Variants in SHF observed in about 807,000 individuals in gnomAD.
The protein encoded by SHF is Src homology 2 domain containing F, also known as SH2 domain-containing adapter protein F.
In SHF, 30 loss-of-function variants were observed where a neutral mutation model predicts 42.4. That is an observed-to-expected ratio of 0.71 (90% confidence interval 0.53 to 0.96). The LOEUF (loss-of-function observed/expected upper bound fraction) is 0.96, where lower values mean the gene tolerates loss of function less well. Ranked by LOEUF, SHF falls within the 40% of genes least tolerant of loss-of-function variation. SHF has a pLI of 0.00. For synonymous variants in SHF, 264 were observed against 269.9 expected, an observed-to-expected ratio of 0.98 and a Z score of 0.21; for missense variants, 598 against 634.0, an observed-to-expected ratio of 0.94 and a Z score of 0.61.
chr15:45,198,938 C>G (rs62026667), exon 2 of SHF: 144,873 of 1,613,804 alleles, frequency 0.09, 7,252 homozygotes, highest in Middle Eastern at 0.11. Context: ...CGTGAGCATC[C>G]AGGAATGGGG....
At chr15:45,192,291 A>G (rs1222331584), upstream of SHF, among the ~76,000 whole-genome samples, 1 of 146,210 alleles carries the variant, frequency 6.8e-6, no homozygotes, top group African/African-American at 2.5e-5. Flanking sequence ...ATTTTCCTTC[A>G]GGCAGCCTCC....
exon 1 of SHF, chr15:45,200,781 T>G (rs946204450): frequency 4.4e-6 from 2 of 456,024 alleles, no homozygotes; most frequent in African/African-American, 4.0e-5. Context: ...TTCCTTCTTG[T>G]AAAATTTAAG....
In SHF at chr15:45,176,071, C is replaced by T. The variant is rs1331149180; in HGVS notation, c.641-646G>A. On this transcript the variant is annotated intron_variant, in intron 2 of 6. Coordinates refer to ENST00000690270, the MANE Select transcript of SHF (RefSeq NM_001394037.1). ...CTGACCTCAGGTGATCTGCCTGCCT[C>T]GGCCTTCCAAAGTGCTGGGATTACA... 3.9e-5 allele frequency among the ~76,000 whole-genome samples: 6 copies of T among 152,168 alleles called. 1 individual carries two copies. Among genetic ancestry groups the T allele is most frequent in the African/African-American group, 2.4e-5 (1 of 41,500 alleles).
chr15:45,197,874 G>A (rs1479370406), intron 2 of SHF, among the ~76,000 whole-genome samples: 1 of 150,604 alleles, frequency 6.6e-6, no homozygotes, highest in Non-Finnish European at 1.5e-5. Flanking sequence ...GCATGTTTGC[G>A]TTTTATGCAA....
At chr15:45,178,565 C>A (rs567918031) in intron 1 of SHF, among the ~76,000 whole-genome samples, 1 of 136,972 alleles carries the variant, frequency 7.3e-6, no homozygotes, top group Non-Finnish European at 1.5e-5. Context: ...GACAGAGTCT[C>A]ACTCTGTCAC....
rs1897534465 is a variant in SHF, at chr15:45,172,199, T to G, written c.1108A>C (p.Ser370Arg). The G allele has an allele frequency of 1.9e-6, 3 of 1,613,918 alleles. No individual in the cohort carries two copies. In the South Asian group the frequency reaches 3.3e-5, roughly 18 times the overall value. ...TCTGTCCACTCCCCCAGGGGGCTGC[T>G]GGGCTCCATGCTTAGGGGTTTGGCT... ...KSAKPLSMEPSSPLGEWTDPA... is the reference protein window; with the variant it reads ...KSAKPLSMEPRSPLGEWTDPA... Residue 370 changes from serine to arginine, a missense_variant, in exon 5 of 7, where the codon AGC becomes CGC. Ser to Arg is a moderately radical substitution (Grantham distance 110, BLOSUM62 -1). This residue lies in a region of SHF where 439 missense variants were observed against 524.6 expected (regional missense o/e 0.84). Coordinates refer to ENST00000690270, the MANE Select transcript of SHF (RefSeq NM_001394037.1).
At chr15:45,185,322 G>A (rs1220701919) in intron 1 of SHF, among the ~76,000 whole-genome samples, 2 of 152,250 alleles carry the variant, frequency 1.3e-5, no homozygotes, top group African/African-American at 4.8e-5. Context: ...CTGGGCCACA[G>A]GGGCATGCGC....
rs1177208821 is a variant in SHF, at chr15:45,175,324, G to T, written c.742C>A (p.Pro248Thr). 1.2e-6 allele frequency: 2 copies of T among 1,605,942 alleles called. No individual in the cohort carries two copies. The highest frequency in any genetic ancestry group is 1.7e-5 in the Admixed American group (1 of 59,020). The part of the protein sequence containing the change: ...DGATAEGEGA[P>T]WPRESRLPED... ...GGCAGGCGGGACTCCCGGGGCCAGG[G>T]GGCCCCCTCACCTTCCGCGGTGGCC... Residue 248 changes from proline to threonine, a missense_variant, in exon 3 of 7, where the codon CCC (proline) becomes ACC (threonine). Transcript: ENST00000690270.
intron 1 of SHF, among the ~76,000 whole-genome samples, chr15:45,182,403 A>G (rs968356397): frequency 6.6e-5 from 10 of 152,264 alleles, no homozygotes; most frequent in Non-Finnish European, 1.3e-4. Context: ...GGGAAGAGGA[A>G]AATGAATTTG....
chr15:45,167,845 GA>G lies in SHF; in HGVS notation c.*101del. On this transcript the variant is annotated 3_prime_UTR_variant, in exon 7 of 7. Transcript: ENST00000690270. ...CAGCTTCTACTGGATCCCAGGAGAA[GA>G]AAGGTTTGAAAGATCACGTCCCTGG... 1 of 1,149,626 alleles carries G rather than the reference GA, an allele frequency of 8.7e-7. No homozygotes were observed. The allele number at this position is 1,149,626 out of a possible 1,614,324, so 71.2% of individuals were successfully genotyped here. A position where few individuals can be genotyped will look rare whatever the true frequency, so the allele number is the denominator to read the frequency against.
intron 2 of SHF, among the ~76,000 whole-genome samples, chr15:45,194,501 G>T (rs1898807143): frequency 6.6e-6 from 1 of 151,954 alleles, no homozygotes; most frequent in East Asian, 1.9e-4. Flanking sequence ...ACAGGTCCCT[G>T]CCACCACACC....
intron 6 of SHF, among the ~76,000 whole-genome samples, chr15:45,169,203 A>G (rs2162246): frequency 0.39 from 59,549 of 152,086 alleles, 14,533 homozygotes; most frequent in Non-Finnish European, 0.56. Context: ...GAGGCTGGCA[A>G]TCCTTATCAC....
chr15:45,195,966 T>C (rs1898849191), intron 2 of SHF, among the ~76,000 whole-genome samples: 1 of 152,202 alleles, frequency 6.6e-6, no homozygotes, highest in African/African-American at 2.4e-5. Context: ...AAGACAGAGC[T>C]CCATTTGGGC....
Position 45,187,560 on chromosome 15 carries a change from G to A in SHF, c.392C>T (p.Pro131Leu). 2.4e-6 allele frequency: 3 copies of A among 1,228,524 alleles called. No individual in the cohort carries two copies. The highest frequency in any genetic ancestry group is 3.0e-6 in the Non-Finnish European group (3 of 985,058). The allele number at this position is 1,228,524 out of a possible 1,614,324, so 76.1% of individuals were successfully genotyped here. A position where few individuals can be genotyped will look rare whatever the true frequency, so the allele number is the denominator to read the frequency against. ...GCGGTGTGGGGGAGAGCCGTGGCGC[G>A]GGGGCGGCGTGGGTCCGGGGGCGAC... ...TPVAPGPTPP[P>L]RHGSPPHRLI... is the part of the protein sequence containing the mutation. The change falls in exon 1 of 7, where the codon CCG becomes CTG. Residue 131 changes from proline (P) to leucine (L), a missense_variant. Pro to Leu is a moderately conservative substitution (Grantham distance 98). Transcript: ENST00000690270.
At chr15:45,199,166 C>T in intron 1 of SHF, 3 of 1,362,786 alleles carry the variant, frequency 2.2e-6, no homozygotes, top group Non-Finnish European at 2.0e-6. Context: ...AACGCATCTC[C>T]CCATGTTCCC....
intron 2 of SHF, among the ~76,000 whole-genome samples, chr15:45,196,477 T>C (rs1898865873): frequency 6.6e-6 from 1 of 152,228 alleles, no homozygotes; most frequent in South Asian, 2.1e-4. Context: ...GGAAGATAAG[T>C]AGCCTGACTG....
At position 45,198,680 on chromosome 15, in the gene SHF, G is replaced by A. The variant is rs958864173; in HGVS notation, c.303+92C>T. On this transcript the variant is annotated intron_variant, in intron 2 of 7. Coordinates refer to the SHF transcript ENST00000290894. ...ACTAACCACTATACGATCACGGCGAGCTACCGGGGACCCGTAGGGGTTGGC... is the reference window on the plus strand; with the variant it reads ...ACTAACCACTATACGATCACGGCGAACTACCGGGGACCCGTAGGGGTTGGC... 2.2e-4 allele frequency: 320 copies of A among 1,483,426 alleles called. 2 individuals carry two copies. Among genetic ancestry groups the A allele is most frequent in the East Asian group, 1.8e-4 (8 of 44,016 alleles). 91.9% of individuals were successfully genotyped at this position (1,483,426 alleles called of 1,614,324 possible). A position where few individuals can be genotyped will look rare whatever the true frequency, so the allele number is the denominator to read the frequency against.
At chr15:45,182,222 G>A (rs909877685) in intron 1 of SHF, among the ~76,000 whole-genome samples, 4 of 152,032 alleles carry the variant, frequency 2.6e-5, no homozygotes, top group Admixed American at 1.3e-4. Flanking sequence ...GAGCAAGAGG[G>A]GCACACGTTA....
chr15:45,195,567 A>ATT (rs60318575), intron 2 of SHF, among the ~76,000 whole-genome samples: 5 of 152,048 alleles, frequency 3.3e-5, no homozygotes, highest in African/African-American at 1.2e-4. Context: ...TTTAAAGTCT[A>ATT]TTTTTTTAAA....
Sources: allele counts gnomAD v4.1 joint callset (sites outside exome capture counted in the v4.1 genomes callset), GRCh38; gene constraint gnomAD v4.1.1; regional missense constraint gnomAD v4.1.1; transcripts MANE v1.5; gene names NCBI Gene and HGNC (gene_info 2026-07-23, HGNC 2026-07-21).